SENP7: variants seen among roughly 807,000 people sequenced by gnomAD.
SENP7 encodes the protein SUMO specific peptidase 7, also known as sentrin-specific protease 7.
Under a neutral mutation model 141.2 loss-of-function variants are expected in SENP7, and 64 were observed. The observed-to-expected ratio is 0.45, with a 90% CI of 0.37 to 0.56. The LOEUF is 0.56. Ranked by LOEUF, SENP7 falls within the 20% of genes least tolerant of loss-of-function variation. The probability of loss-of-function intolerance (pLI) is 0.00; values close to 1 mark genes in which losing one functional copy is unlikely to be tolerated. For synonymous variants in SENP7, 382 were observed against 426.4 expected (o/e 0.90, Z 1.28); for missense variants, 1,025 against 1,212.2 (o/e 0.85, Z 2.29).
chr3:101,456,481 A>G (rs1559855414), intron 4 of SENP7, among the ~76,000 whole-genome samples: 1 of 152,178 alleles, frequency 6.6e-6, no homozygotes, highest in Non-Finnish European at 1.5e-5. Context: ...CATTAAGTGT[A>G]TATTAAATAG....
intron 3 of SENP7, among the ~76,000 whole-genome samples, chr3:101,463,364 AAT>A (rs71625265): frequency 0.03 from 2,632 of 88,772 alleles, 58 homozygotes; most frequent in Non-Finnish European, 0.041. Context: ...TAAATAAATA[AAT>A]ATATATATAT....
chr3:101,410,845 A>AAAAATAAAATAATAAAATAAAAT, intron 5 of SENP7, among the ~76,000 whole-genome samples: 1 of 126,196 alleles, frequency 7.9e-6, no homozygotes, highest in Non-Finnish European at 1.6e-5. Flanking sequence ...ATTCTGTCTC[A>AAAAATAAAATAATAAAATAAAAT]AAAATAAAAT....
At chr3:101,360,582 A>G (rs964122437) in intron 11 of SENP7, among the ~76,000 whole-genome samples, 1 of 152,240 alleles carries the variant, frequency 6.6e-6, no homozygotes, top group Non-Finnish European at 1.5e-5. Flanking sequence ...TGCCTGAGTT[A>G]CTAAATCTGA....
At chr3:101,363,603 A>G in intron 10 of SENP7, among the ~76,000 whole-genome samples, 1 of 152,234 alleles carries the variant, frequency 6.6e-6, no homozygotes, top group East Asian at 1.9e-4. Context: ...ATTATCAATA[A>G]TGACACTTTT....
intron 5 of SENP7, among the ~76,000 whole-genome samples, chr3:101,400,666 T>G (rs2061108812): frequency 2.0e-5 from 3 of 151,442 alleles, no homozygotes; most frequent in Admixed American, 2.0e-4. Context: ...CATTCCCCTA[T>G]CTCTCTCTCT....
At chr3:101,505,008 T>C (rs1392109404) in intron 1 of SENP7, among the ~76,000 whole-genome samples, 1 of 151,872 alleles carries the variant, frequency 6.6e-6, no homozygotes, top group Non-Finnish European at 1.5e-5. Context: ...GAGGCTGCAG[T>C]GGGCCGTTTT....
chr3:101,473,321 C>T (rs1350159196), intron 3 of SENP7, among the ~76,000 whole-genome samples: 3 of 152,176 alleles, frequency 2.0e-5, no homozygotes, highest in Non-Finnish European at 4.4e-5. Flanking sequence ...TTGTCTTCCA[C>T]AATGGGTGAA....
intron 1 of SENP7, among the ~76,000 whole-genome samples, chr3:101,505,241 A>G (rs950695862): frequency 6.6e-6 from 1 of 152,212 alleles, no homozygotes; most frequent in Non-Finnish European, 1.5e-5. Context: ...CTTAATGGGT[A>G]CAATGTACAC....
intron 5 of SENP7, among the ~76,000 whole-genome samples, chr3:101,405,405 C>A (rs1486567658): frequency 6.6e-6 from 1 of 152,130 alleles, no homozygotes; most frequent in Non-Finnish European, 1.5e-5. Flanking sequence ...TAAGGGAACA[C>A]CCCATGGGAC....
At chr3:101,470,809 G>T (rs2063958505) in intron 3 of SENP7, among the ~76,000 whole-genome samples, 1 of 152,206 alleles carries the variant, frequency 6.6e-6, no homozygotes, top group East Asian at 1.9e-4. Flanking sequence ...AAAGTCTCAG[G>T]ATACAAAATA....
At chr3:101,465,967 C>A (rs1047532599) in intron 3 of SENP7, among the ~76,000 whole-genome samples, 6 of 151,958 alleles carry the variant, frequency 3.9e-5, no homozygotes, top group African/African-American at 1.5e-4. Flanking sequence ...CGTCCTACAA[C>A]TGAAGATTTC....
At chr3:101,332,630 A>C in intron 18 of SENP7, 140 bp downstream of exon 18, 1 of 475,326 alleles carries the variant, frequency 2.1e-6, no homozygotes, top group Non-Finnish European at 3.5e-6. Context: ...TCATTGCCTT[A>C]GCTACTTTTA....
At chr3:101,362,650 T>C (rs1187992422) in intron 10 of SENP7, among the ~76,000 whole-genome samples, 2 of 152,256 alleles carry the variant, frequency 1.3e-5, no homozygotes, top group African/African-American at 4.8e-5. Flanking sequence ...ATGTCTATTG[T>C]TCCCATCTTT....
intron 11 of SENP7, among the ~76,000 whole-genome samples, chr3:101,355,979 T>C (rs1025438023): frequency 6.6e-6 from 1 of 152,178 alleles, no homozygotes; most frequent in African/African-American, 2.4e-5. Context: ...CAATTGTGAG[T>C]GGGATTGCAT....
chr3:101,464,080 C>T (rs2063680790), intron 3 of SENP7, among the ~76,000 whole-genome samples: 4 of 152,072 alleles, frequency 2.6e-5, no homozygotes. Flanking sequence ...GCCACTCAGC[C>T]TCCAAAAGTG....
intron 4 of SENP7, among the ~76,000 whole-genome samples, chr3:101,427,078 G>A (rs1164107826): frequency 6.6e-6 from 1 of 152,136 alleles, no homozygotes; most frequent in African/African-American, 2.4e-5. Context: ...GAACATCAAT[G>A]CAAAAGTCCT....
chr3:101,430,547 T>C (rs2062127237), intron 4 of SENP7, among the ~76,000 whole-genome samples: 1 of 152,202 alleles, frequency 6.6e-6, no homozygotes, highest in Admixed American at 6.5e-5. Flanking sequence ...CCTTTATCAT[T>C]TTTTATTGCA....
At chr3:101,431,982 G>A (rs2062196936) in intron 4 of SENP7, among the ~76,000 whole-genome samples, 2 of 152,162 alleles carry the variant, frequency 1.3e-5, no homozygotes, top group Non-Finnish European at 2.9e-5. Context: ...CACCAAAGAG[G>A]CTCTTGGGGT....
chr3:101,500,315 G>A (rs1011840236), intron 2 of SENP7, among the ~76,000 whole-genome samples: 3 of 152,178 alleles, frequency 2.0e-5, no homozygotes, highest in Non-Finnish European at 4.4e-5. Flanking sequence ...AACACTTTGG[G>A]AGGCCAAGGC....
Sources: gnomAD v4.1 joint callset for allele counts (sites outside exome capture counted in the v4.1 genomes callset) on GRCh38, gnomAD v4.1.1 for gene constraint, MANE v1.5 for transcripts, NCBI Gene and HGNC (gene_info 2026-07-23, HGNC 2026-07-21) for gene names.